The following APC variants were observed in gnomAD, a reference collection of about 807,000 sequenced individuals.
APC encodes the protein APC regulator of Wnt signaling pathway, also known as adenomatous polyposis coli protein.
A neutral mutation model predicts 247.0 loss-of-function variants in APC; 72 were observed. That is an observed-to-expected ratio of 0.29 (90% CI 0.24 to 0.35). APC has a LOEUF of 0.35. APC is among the 10% of genes least tolerant of loss of function. APC has a pLI of 1.00. For missense variants in APC, 3,400 were observed against 3,360.7 expected (o/e 1.01, Z -0.29); for synonymous variants, 1,254 against 1,162.5 (o/e 1.08, Z -1.60).
chr5:112,720,901 C>G (rs1381510132), intron 1 of APC, among the ~76,000 whole-genome samples: 3 of 151,978 alleles, frequency 2.0e-5, no homozygotes, highest in Non-Finnish European at 4.4e-5. Context: ...TGAGATTTTA[C>G]CAGGTAACAG....
At position 112,840,745 on chromosome 5, in the gene APC, A is replaced by AATT. The variant is rs786201922; in HGVS notation, c.5151_5152insATT (p.Lys1717_Ala1718insIle). 1 of 1,614,138 alleles carries AATT rather than the reference A, an allele frequency of 6.2e-7. No individual in the cohort carries two copies. The highest frequency in any genetic ancestry group is 2.2e-5 in the East Asian group (1 of 44,892). Reference sequence around the variant, plus strand: ...CCATACCTGAATTGGATGACAATAAAGCAGAGGAAGGTGATATTCTTGCAG... The same window carrying AATT: ...CCATACCTGAATTGGATGACAATAAAATTGCAGAGGAAGGTGATATTCTTGCAG... On this transcript the variant is annotated inframe_insertion, in exon 16 of 16. Transcript: ENST00000257430. This position sits in a 1 kb window ranked among gnomAD's most constrained non-coding sequence, Gnocchi z 4.1.
Position 112,813,256 on chromosome 5 carries a change from T to A in APC, c.835-2239T>A, listed in dbSNP as rs1370148130. Among the ~76,000 whole-genome samples, 7 of 152,322 alleles carry A rather than the reference T, an allele frequency of 4.6e-5. No homozygotes were observed. The East Asian group carries it at 1.4e-3, about 29-fold the overall frequency. ...GAGTTTTGACAAATGTAGTTTTCTCTTTAAAATGCTGATCTAAAATAGCTA... is the reference window on the plus strand; with the variant it reads ...GAGTTTTGACAAATGTAGTTTTCTCATTAAAATGCTGATCTAAAATAGCTA... On this transcript the variant is annotated intron_variant, in intron 8 of 15. Transcript: ENST00000257430.
chr5:112,827,290 G>T, intron 12 of APC, 43 bp downstream of exon 12: 1 of 1,605,452 alleles, frequency 6.2e-7, no homozygotes, highest in South Asian at 1.1e-5. Flanking sequence ...GCTCAGGTAT[G>T]AGTTAATTTA....
At chr5:112,808,783 G>A (rs1485983982) in intron 8 of APC, among the ~76,000 whole-genome samples, 1 of 152,106 alleles carries the variant, frequency 6.6e-6, no homozygotes, top group South Asian at 2.1e-4. Context: ...ACTTCAACAT[G>A]TTTCTTTATC....
At position 112,837,901 on chromosome 5, in the gene APC, A is replaced by T. The variant is rs1561576071; in HGVS notation, c.2307A>T (p.Leu769Phe). The T allele has an allele frequency of 1.2e-6, 2 of 1,614,154 alleles. No individual in the cohort carries two copies. The highest frequency in any genetic ancestry group is 1.7e-6 in the Non-Finnish European group (2 of 1,180,022). Residue 769 changes from leucine (L) to phenylalanine (F), a missense_variant, in exon 16 of 16, where the codon TTA becomes TTT. By Grantham distance (22) the Leu-to-Phe change is conservative. This residue lies in a region of APC where 91 missense variants were observed against 103.3 expected (regional missense o/e 0.88). Transcript: ENST00000257430. ...AAGCAGAATTAGATGCTCAGCACTT[A>T]TCAGAAACTTTTGACAATATAGACA... Reference protein sequence around the residue: ...ALEAELDAQHLSETFDNIDNL... With the variant: ...ALEAELDAQHFSETFDNIDNL...
upstream of APC, chr5:112,737,860 T>C (rs75996864): frequency 1.1e-5 from 11 of 985,586 alleles, no homozygotes; most frequent in Admixed American, 6.1e-5. Flanking sequence ...CATGTGGCTG[T>C]ATTGGTGCAG....
chr5:112,806,935 C>T (rs1000285252), intron 8 of APC, among the ~76,000 whole-genome samples: 14 of 151,984 alleles, frequency 9.2e-5, no homozygotes, highest in Non-Finnish European at 1.8e-4. Context: ...GAGTTCGAGA[C>T]CAGCCTGGCC....
rs779065389 is a variant in APC at position 112,842,389 on chromosome 5, A to G, written c.6795A>G (p.Gln2265=). Residue 2265 remains glutamine (Q), a synonymous_variant, in exon 16 of 16, where the codon CAA becomes CAG. Transcript: ENST00000257430. ...CCTCCAAAAGCCCTAGTGAAGGTCA[A>G]ACAGCCACCACTTCTCCTAGAGGAG... ...TPASKSPSEG[Q]TATTSPRGAK... is the part of the protein sequence containing the mutation. The G allele has an allele frequency of 3.7e-6, 6 of 1,613,968 alleles. No individual in the cohort carries two copies. The highest frequency in any genetic ancestry group is 3.3e-5 in the Admixed American group (2 of 59,982).
At position 112,731,292 on chromosome 5, in the gene APC, A is replaced by G. The variant is rs555918277; in HGVS notation, c.165+23410A>G. 7.9e-5 allele frequency among the ~76,000 whole-genome samples: 12 copies of G among 152,306 alleles called. No homozygotes were observed. The East Asian group carries it at 9.6e-4, about 12-fold the overall frequency. On this transcript the variant is annotated intron_variant, in intron 1 of 13. Transcript: ENST00000507379. Reference sequence around the variant, plus strand: ...TTGCCTTTGTCCATTTTCTGCTACTATAACAAAATACCTGAGACTGGGTAA... The same window carrying G: ...TTGCCTTTGTCCATTTTCTGCTACTGTAACAAAATACCTGAGACTGGGTAA...
intron 7 of APC, among the ~76,000 whole-genome samples, chr5:112,794,075 G>A (rs1475104866): frequency 1.3e-5 from 2 of 151,800 alleles, no homozygotes; most frequent in South Asian, 2.1e-4. Flanking sequence ...GATCTAGCTG[G>A]GTTGTTTTGT....
rs768031368 is a variant in APC at position 112,843,760 on chromosome 5, G to A, written c.8166G>A (p.Leu2722=). 1 of 1,614,042 alleles carries A rather than the reference G, an allele frequency of 6.2e-7. No homozygotes were observed. The highest frequency in any genetic ancestry group is 1.1e-5 in the South Asian group (1 of 91,076). ...PMRTVGLENR[L]NSFIQVDAPD... ...GTACCGTGGGTTTGGAAAATCGCCTGAACTCCTTTATTCAGGTGGATGCCC... is the reference window on the plus strand; with the variant it reads ...GTACCGTGGGTTTGGAAAATCGCCTAAACTCCTTTATTCAGGTGGATGCCC... Residue 2722 remains leucine (L), a synonymous_variant, in exon 16 of 16, where the codon CTG becomes CTA. Coordinates refer to ENST00000257430, the MANE Select transcript of APC (RefSeq NM_000038.6). This position sits in a 1 kb window ranked among gnomAD's most constrained non-coding sequence, Gnocchi z 4.8.
At chr5:112,787,631 T>C (rs1255947687) in intron 6 of APC, among the ~76,000 whole-genome samples, 1 of 152,224 alleles carries the variant, frequency 6.6e-6, no homozygotes, top group Non-Finnish European at 1.5e-5. Context: ...GCTCATTCCC[T>C]ACTGTTAAAT....
At chr5:112,798,173 G>A (rs1028397126) in intron 7 of APC, among the ~76,000 whole-genome samples, 1 of 152,204 alleles carries the variant, frequency 6.6e-6, no homozygotes, top group Admixed American at 6.5e-5. Flanking sequence ...AGGAGAAGCA[G>A]TGCAAATGTG....
rs1966476 is a variant in APC, at chr5:112,837,233, T to C, written c.1959-320T>C. On this transcript the variant is annotated intron_variant, in intron 15 of 15. Coordinates refer to ENST00000257430, the MANE Select transcript of APC (RefSeq NM_000038.6). ...CTATTCAACATAGGATTTCATGATA[T>C]AGTTTTTAAATTGGGAAACTGTTAT... 0.48 allele frequency among the ~76,000 whole-genome samples: 72,995 copies of C among 152,066 alleles called. 19,934 individuals carry two copies. Among genetic ancestry groups the C allele is most frequent in the East Asian group, 0.67 (3,453 of 5,172 alleles).
At chr5:112,800,541 G>A (rs1235316027) in intron 7 of APC, among the ~76,000 whole-genome samples, 1 of 152,122 alleles carries the variant, frequency 6.6e-6, no homozygotes, top group Admixed American at 6.5e-5. Context: ...GATTTTTAAT[G>A]TATAATTTTT....
At chr5:112,738,951 T>G (rs1220067617) in intron 1 of APC, among the ~76,000 whole-genome samples, 1 of 152,208 alleles carries the variant, frequency 6.6e-6, no homozygotes, top group Non-Finnish European at 1.5e-5. Context: ...AGTGAAGCTT[T>G]TATGCCATTA....
At chr5:112,742,347 C>G (rs1358568170) in intron 1 of APC, among the ~76,000 whole-genome samples, 1 of 152,146 alleles carries the variant, frequency 6.6e-6, no homozygotes, top group Non-Finnish European at 1.5e-5. Flanking sequence ...TTATACATAT[C>G]TCCTTGGACT....
In APC at chr5:112,713,989, A is replaced by G. The variant is rs184400735; in HGVS notation, c.165+6107A>G. Among the ~76,000 whole-genome samples, 402 of 152,358 alleles carry G rather than the reference A, an allele frequency of 2.6e-3. 2 individuals carry two copies. The highest frequency in any genetic ancestry group is 4.5e-3 in the Non-Finnish European group (308 of 68,024). On this transcript the variant is annotated intron_variant, in intron 1 of 13. Transcript: ENST00000507379. The stretch of plus-strand genomic sequence containing the variant: ...TAAGATTTTGACTGAACATTTAAAT[A>G]GTCATAGGTGACTGGTTAAAAATGA...
At chr5:112,834,687 G>T (rs181543975) in intron 14 of APC, among the ~76,000 whole-genome samples, 27 of 151,944 alleles carry the variant, frequency 1.8e-4, no homozygotes, top group African/African-American at 6.5e-4. Context: ...TAAGATGTGT[G>T]TACTATCTAA....
Sources: allele counts gnomAD v4.1 joint callset (sites outside exome capture counted in the v4.1 genomes callset), GRCh38; gene constraint gnomAD v4.1.1; regional missense constraint gnomAD v4.1.1; non-coding constraint Gnocchi (gnomAD v3.1); transcripts MANE v1.5; gene names NCBI Gene and HGNC (gene_info 2026-07-23, HGNC 2026-07-21).